The following ITSN1 variants were observed in gnomAD, a reference collection of about 807,000 sequenced individuals.
The protein encoded by ITSN1 is intersectin-1.
ITSN1 carries 58 observed loss-of-function variants against 239.8 expected under a neutral mutation model. The ratio of observed to expected loss-of-function variants is 0.24; its 90% CI spans 0.20 to 0.30. ITSN1 has a LOEUF of 0.30. ITSN1 is among the 10% of genes least tolerant of loss of function. ITSN1 has a pLI of 1.00. For missense variants in ITSN1, 1,558 were observed against 2,103.3 expected (o/e 0.74, Z 5.07); for synonymous variants, 780 against 770.8 (o/e 1.01, Z -0.20).
At position 33,836,525 on chromosome 21, in the gene ITSN1, T is replaced by A. The variant is rs1370734182; in HGVS notation, c.3554T>A (p.Leu1185His). Reference protein sequence around the residue: ...AFNKGQIINVLNKEDPDWWKG... With the variant: ...AFNKGQIINVHNKEDPDWWKG... Reference sequence around the variant, plus strand: ...AACAAGGGCCAGATCATCAACGTCCTCAACAAGGAGGACCCTGACTGGTGG... The same window carrying A: ...AACAAGGGCCAGATCATCAACGTCCACAACAAGGAGGACCCTGACTGGTGG... Residue 1185 changes from leucine to histidine, a missense_variant, in exon 29 of 40, where the codon CTC becomes CAC. This residue lies in a region of ITSN1 where 576 missense variants were observed against 893.3 expected (regional missense o/e 0.64). Transcript: ENST00000381318. 1 of 1,614,144 alleles carries A rather than the reference T, an allele frequency of 6.2e-7. No homozygotes were observed. Among genetic ancestry groups the A allele is most frequent in the Admixed American group, 1.7e-5 (1 of 60,024 alleles).
chr21:33,882,037 T>C lies in ITSN1; in HGVS notation c.4342-206T>C, dbSNP rs1268386730. Among the ~76,000 whole-genome samples the C allele has an allele frequency of 6.6e-6, 1 of 151,914 alleles. No individual in the cohort carries two copies. On this transcript the variant is annotated intron_variant, in intron 34 of 39. Coordinates refer to ENST00000381318, the MANE Select transcript of ITSN1 (RefSeq NM_003024.3). The surrounding 1 kb of genome is among the most constrained non-coding windows in gnomAD (Gnocchi z 4.5). ...AGAGGAAAAGCCTTAGAAATTACCA[T>C]TGAGACTCTTCTTGATACTTGGAAT...
chr21:33,774,854 T>C lies in ITSN1; in HGVS notation c.1431T>C (p.Thr477=). 6.2e-7 allele frequency: 1 copy of C among 1,612,198 alleles called. No homozygotes were observed. The highest frequency in any genetic ancestry group is 8.5e-7 in the Non-Finnish European group (1 of 1,179,514). The change falls in exon 13 of 40, where the codon ACT becomes ACC. Residue 477 remains threonine (T), a synonymous_variant. Coordinates refer to ENST00000381318, the MANE Select transcript of ITSN1 (RefSeq NM_003024.3). The stretch of plus-strand genomic sequence containing the variant: ...TTGTACTGAAAGCAAAGAAAAAGAC[T>C]TTGGAATTTGAATTAGAAGCTCTAG... ...DIVVLKAKKK[T]LEFELEALND... is the part of the protein sequence containing the mutation.
intron 7 of ITSN1, 30 bp downstream of exon 7, chr21:33,751,936 T>C: frequency 1.4e-6 from 2 of 1,430,952 alleles, no homozygotes; most frequent in Non-Finnish European, 2.0e-6. Flanking sequence ...AATGGGAAGT[T>C]TGGTTAAGGC....
At chr21:33,829,832 C>A in intron 27 of ITSN1, 87 bp downstream of exon 27, 1 of 1,468,572 alleles carries the variant, frequency 6.8e-7, no homozygotes, top group Admixed American at 1.8e-5. Flanking sequence ...TTGTAAAGTA[C>A]AAACCACCCC....
intron 1 of ITSN1, among the ~76,000 whole-genome samples, chr21:33,697,764 A>G (rs917106746): frequency 1.3e-5 from 2 of 152,110 alleles, no homozygotes; most frequent in African/African-American, 4.8e-5. Context: ...ACTTGATATA[A>G]TGTTTTATTC....
chr21:33,811,351 C>A, intron 21 of ITSN1, 129 bp downstream of exon 21: 2 of 820,190 alleles, frequency 2.4e-6, no homozygotes, highest in Non-Finnish European at 3.8e-6. Flanking sequence ...ATTTTCAGTA[C>A]TCCTTTCTCT....
intron 1 of ITSN1, among the ~76,000 whole-genome samples, chr21:33,663,607 T>G (rs2089714970): frequency 6.6e-6 from 1 of 151,060 alleles, no homozygotes; most frequent in African/African-American, 2.5e-5. Flanking sequence ...GTGATTAAAT[T>G]CTTTTTTTTT....
intron 24 of ITSN1, among the ~76,000 whole-genome samples, chr21:33,822,903 C>T (rs563894800): frequency 2.6e-5 from 4 of 152,294 alleles, no homozygotes; most frequent in African/African-American, 9.6e-5. Flanking sequence ...CTAACAGCTT[C>T]CTATCATATT....
intron 5 of ITSN1, among the ~76,000 whole-genome samples, chr21:33,744,200 A>G (rs2067042705): frequency 6.6e-6 from 1 of 152,256 alleles, no homozygotes; most frequent in Non-Finnish European, 1.5e-5. Context: ...GCATTCAGAA[A>G]TTAGTATTAG....
At chr21:33,799,702 G>A (rs2071828962) in intron 18 of ITSN1, 106 bp from the exon 19 acceptor site, 5 of 1,247,850 alleles carry the variant, frequency 4.0e-6, no homozygotes, top group South Asian at 1.5e-5. Flanking sequence ...TAGTTCAGAG[G>A]TTAAGATAGG....
intron 31 of ITSN1, among the ~76,000 whole-genome samples, chr21:33,862,768 G>A (rs980478949): frequency 4.6e-5 from 7 of 152,290 alleles, no homozygotes; most frequent in South Asian, 2.1e-4. Flanking sequence ...TCTGAGACTT[G>A]GGTCAAGTCA....
chr21:33,850,521 C>T (rs1307930762), intron 29 of ITSN1, among the ~76,000 whole-genome samples: 1 of 152,214 alleles, frequency 6.6e-6, no homozygotes, highest in East Asian at 1.9e-4. Flanking sequence ...GCCTGCAACT[C>T]AGCAAGGATC....
chr21:33,730,941 C>G (rs772021497), intron 4 of ITSN1, among the ~76,000 whole-genome samples: 8 of 151,994 alleles, frequency 5.3e-5, no homozygotes, highest in Admixed American at 6.6e-5. Flanking sequence ...GGTGATCCAC[C>G]TGCCTCGGCC....
Position 33,713,895 on chromosome 21 carries a change from C to T in ITSN1, c.-32-4902C>T, listed in dbSNP as rs976383738. 1.2e-4 allele frequency among the ~76,000 whole-genome samples: 14 copies of T among 119,562 alleles called. 1 individual carries two copies. The highest frequency in any genetic ancestry group is 2.8e-4 in the East Asian group (1 of 3,558). The allele number at this position is 119,562 out of a possible 152,430, so 78.4% of individuals were successfully genotyped here. ...TGTCACCCAAGCTGGAGTGCAGTGG[C>T]GCTATCTCGGCTCACTGCAACCTCC... On this transcript the variant is annotated intron_variant, in intron 1 of 39. Transcript: ENST00000381318.
rs113021997 is a variant in ITSN1, at chr21:33,746,837, T to C, written c.347-3306T>C. Among the ~76,000 whole-genome samples, 1,099 of 150,832 alleles carry C rather than the reference T, an allele frequency of 7.3e-3. 14 individuals carry two copies. Among genetic ancestry groups the C allele is most frequent in the African/African-American group, 0.025 (1,046 of 41,090 alleles). ...AGCCTGGGAAACAAGAGTGAAACTCTGTCACAGAAAAAAAAAGGAAAGTTC... is the reference window on the plus strand; with the variant it reads ...AGCCTGGGAAACAAGAGTGAAACTCCGTCACAGAAAAAAAAAGGAAAGTTC... On this transcript the variant is annotated intron_variant, in intron 5 of 39. Transcript: ENST00000381318.
intron 29 of ITSN1, among the ~76,000 whole-genome samples, chr21:33,849,619 A>G (rs2075096611): frequency 6.6e-6 from 1 of 152,128 alleles, no homozygotes; most frequent in Non-Finnish European, 1.5e-5. Flanking sequence ...GAGCAACTAC[A>G]ATAGTAATTT....
chr21:33,823,447 AAT>A, intron 24 of ITSN1, 38 bp from the exon 25 acceptor site: 3 of 1,572,360 alleles, frequency 1.9e-6, no homozygotes, highest in Non-Finnish European at 2.6e-6. Context: ...TTCTTTAAAC[AAT>A]CAAGCTCTCT....
chr21:33,681,830 C>T (rs542350041), intron 1 of ITSN1, among the ~76,000 whole-genome samples: 1 of 151,574 alleles, frequency 6.6e-6, no homozygotes, highest in African/African-American at 2.4e-5. Context: ...ACCACTATGC[C>T]CGGCTAATTT....
At chr21:33,738,185 T>G (rs2066618833) in intron 5 of ITSN1, among the ~76,000 whole-genome samples, 1 of 151,696 alleles carries the variant, frequency 6.6e-6, no homozygotes, top group Non-Finnish European at 1.5e-5. Flanking sequence ...AGACCCTATC[T>G]CAAAAAACAA....
Sources: allele counts gnomAD v4.1 joint callset (sites outside exome capture counted in the v4.1 genomes callset), GRCh38; gene constraint gnomAD v4.1.1; regional missense constraint gnomAD v4.1.1; non-coding constraint Gnocchi (gnomAD v3.1); transcripts MANE v1.5; gene names NCBI Gene and HGNC (gene_info 2026-07-23, HGNC 2026-07-21).